MGST1: variants seen among roughly 807,000 people sequenced by gnomAD.
MGST1 encodes microsomal glutathione S-transferase 1.
MGST1 carries 5 observed loss-of-function variants against 8.9 expected under a neutral mutation model. That is an observed-to-expected ratio of 0.56 (90% CI 0.29 to 1.19). MGST1 has a LOEUF of 1.19. Ranked by LOEUF, MGST1 falls within the 50% of genes most tolerant of loss-of-function variation. MGST1 has a pLI of 0.08. For synonymous variants in MGST1, 54 were observed against 67.8 expected (o/e 0.80, Z 1.00); for missense variants, 182 against 187.4 (o/e 0.97, Z 0.17).
intron 3 of MGST1, among the ~76,000 whole-genome samples, chr12:16,375,970 G>T (rs1193650961): frequency 2.6e-5 from 4 of 151,898 alleles, no homozygotes; most frequent in Non-Finnish European, 5.9e-5. Context: ...TTAAATCTAT[G>T]AGCTCATAAG....
At chr12:16,558,836 T>C (rs531663500) in intron 4 of MGST1, among the ~76,000 whole-genome samples, 1 of 152,294 alleles carries the variant, frequency 6.6e-6, no homozygotes, top group East Asian at 1.9e-4. Flanking sequence ...TGAGAACCTG[T>C]TGTGTTCCTG....
At chr12:16,379,836 G>T (rs1940432074), downstream of MGST1, among the ~76,000 whole-genome samples, 2 of 152,184 alleles carry the variant, frequency 1.3e-5, no homozygotes, top group Admixed American at 1.3e-4. Context: ...CCTGTTATTG[G>T]TCTGTTCAGA....
rs545268939 is a variant in MGST1, at chr12:16,420,444, A to T, written n.779-16944A>T. 5.9e-5 allele frequency among the ~76,000 whole-genome samples: 9 copies of T among 152,336 alleles called. 1 individual carries two copies. The East Asian group carries it at 9.6e-4, about 16-fold the overall frequency. On this transcript the variant is annotated intron_variant and non_coding_transcript_variant, in intron 1 of 1. Coordinates refer to the MGST1 transcript ENST00000359720. The stretch of plus-strand genomic sequence containing the variant: ...GTTCACGTGTTTTTAAATATAGATT[A>T]AAAAAACTATCCTAAGTCAGGTTTC...
intron 4 of MGST1, among the ~76,000 whole-genome samples, chr12:16,528,073 A>G (rs987926271): frequency 1.3e-5 from 2 of 152,068 alleles, no homozygotes; most frequent in East Asian, 3.9e-4. Context: ...GGGTTGACAG[A>G]GGCGATTACT....
chr12:16,515,556 G>A (rs562951069), intron 4 of MGST1, among the ~76,000 whole-genome samples: 1 of 151,884 alleles, frequency 6.6e-6, no homozygotes, highest in East Asian at 1.9e-4. Context: ...CTTGAACTGG[G>A]GAGGCGGAGG....
intron 4 of MGST1, among the ~76,000 whole-genome samples, chr12:16,577,424 T>C (rs1487378492): frequency 3.9e-5 from 6 of 152,184 alleles, no homozygotes; most frequent in Admixed American, 3.3e-4. Flanking sequence ...ATTATTTTCA[T>C]CATATAGGTT....
Position 16,413,082 on chromosome 12 carries a change from T to G in MGST1, n.779-24306T>G, listed in dbSNP as rs1940756618. ...GATGGTGATAGTGAAGGTGGTTAAT[T>G]TAGGGGTGAGTTGTGTGGCTACTCA... is the stretch of plus-strand genomic sequence containing the variant. On this transcript the variant is annotated intron_variant and non_coding_transcript_variant, in intron 1 of 1. Coordinates refer to the MGST1 transcript ENST00000359720. This position sits in a 1 kb window ranked among gnomAD's most constrained non-coding sequence, Gnocchi z 4.0. 2.0e-5 allele frequency among the ~76,000 whole-genome samples: 3 copies of G among 151,958 alleles called. No individual in the cohort carries two copies. The South Asian group carries it at 6.2e-4, about 32-fold the overall frequency.
In MGST1 at chr12:16,586,590, T is replaced by C. The variant is rs1943328459; in HGVS notation, n.483-2938T>C. Among the ~76,000 whole-genome samples, 1 of 152,212 alleles carries C rather than the reference T, an allele frequency of 6.6e-6. No homozygotes were observed. Among genetic ancestry groups the C allele is most frequent in the South Asian group, 2.1e-4 (1 of 4,834 alleles). On this transcript the variant is annotated intron_variant and non_coding_transcript_variant, in intron 4 of 4. Coordinates refer to the MGST1 transcript ENST00000538857. This position sits in a 1 kb window ranked among gnomAD's most constrained non-coding sequence, Gnocchi z 4.3. ...ACATATGCAAAGACACTGCATTTCATCTTTGGACGTCCTTTCTTGGCAGGA... is the reference window on the plus strand; with the variant it reads ...ACATATGCAAAGACACTGCATTTCACCTTTGGACGTCCTTTCTTGGCAGGA...
intron 1 of MGST1, among the ~76,000 whole-genome samples, chr12:16,423,405 A>G (rs547180175): frequency 2.0e-5 from 3 of 152,242 alleles, no homozygotes; most frequent in African/African-American, 7.2e-5. Context: ...CAATTCTCTG[A>G]TATTTTGTTG....
Position 16,500,881 on chromosome 12 carries a change from G to A in MGST1, n.483-88647G>A, listed in dbSNP as rs1401083608. 1.3e-5 allele frequency among the ~76,000 whole-genome samples: 2 copies of A among 152,090 alleles called. No homozygotes were observed. The highest frequency in any genetic ancestry group is 2.4e-5 in the African/African-American group (1 of 41,430). On this transcript the variant is annotated intron_variant and non_coding_transcript_variant, in intron 4 of 4. Transcript: ENST00000538857. The surrounding 1 kb of genome is among the most constrained non-coding windows in gnomAD (Gnocchi z 4.3). ...AGCACTTTGGGAGACCAAGGCAGGC[G>A]GATCACAAGGTCAAGAGATCGAGAC...
intron 4 of MGST1, among the ~76,000 whole-genome samples, chr12:16,463,046 G>C (rs1591736639): frequency 1.3e-5 from 2 of 151,930 alleles, no homozygotes; most frequent in East Asian, 3.9e-4. Context: ...AAACTTAAAG[G>C]GTAGTTGAGC....
intron 4 of MGST1, among the ~76,000 whole-genome samples, chr12:16,541,823 T>C (rs1054816643): frequency 6.6e-6 from 1 of 152,118 alleles, no homozygotes; most frequent in Non-Finnish European, 1.5e-5. Flanking sequence ...GAATACAATG[T>C]GTCAATAAAA....
Position 16,547,240 on chromosome 12 carries a change from G to A in MGST1, n.483-42288G>A, listed in dbSNP as rs1941834649. Among the ~76,000 whole-genome samples, 1 of 151,982 alleles carries A rather than the reference G, an allele frequency of 6.6e-6. No individual in the cohort carries two copies. Among genetic ancestry groups the A allele is most frequent in the Non-Finnish European group, 1.5e-5 (1 of 67,986 alleles). ...TTGACACTGGTTTCAGCCAAATAAT[G>A]GACCAGTTGCAAACAACGAATAAAG... is the stretch of plus-strand genomic sequence containing the variant. On this transcript the variant is annotated intron_variant and non_coding_transcript_variant, in intron 4 of 4. Transcript: ENST00000538857. This position sits in a 1 kb window ranked among gnomAD's most constrained non-coding sequence, Gnocchi z 4.6.
At chr12:16,381,258 G>GT (rs1253742382), downstream of MGST1, among the ~76,000 whole-genome samples, 1 of 152,124 alleles carries the variant, frequency 6.6e-6, no homozygotes, top group Non-Finnish European at 1.5e-5. Flanking sequence ...AATTTGGCAT[G>GT]TTTTTGCAGT....
At chr12:16,506,179 T>C (rs1362539065) in intron 4 of MGST1, among the ~76,000 whole-genome samples, 1 of 152,158 alleles carries the variant, frequency 6.6e-6, no homozygotes, top group Non-Finnish European at 1.5e-5. Context: ...TAAAGAACTT[T>C]ATTACTCATG....
At chr12:16,393,764 G>A (rs991184) in intron 1 of MGST1, among the ~76,000 whole-genome samples, 59,189 of 151,980 alleles carry the variant, frequency 0.39, 11,629 homozygotes, top group East Asian at 0.53. Context: ...TGGCCCAGAG[G>A]TATCTGCTAC....
chr12:16,419,106 C>T (rs1338849033), intron 1 of MGST1, among the ~76,000 whole-genome samples: 1 of 152,142 alleles, frequency 6.6e-6, no homozygotes, highest in African/African-American at 2.4e-5. Context: ...CAAGATCCTA[C>T]CACTCATTTG....
chr12:16,424,700 C>G (rs1323277430), intron 1 of MGST1, among the ~76,000 whole-genome samples: 1 of 152,182 alleles, frequency 6.6e-6, no homozygotes, highest in Non-Finnish European at 1.5e-5. Flanking sequence ...GGCCTATCCA[C>G]ACACTGCCAC....
intron 4 of MGST1, among the ~76,000 whole-genome samples, chr12:16,463,548 C>T (rs1190146427): frequency 6.6e-6 from 1 of 151,366 alleles, no homozygotes; most frequent in Middle Eastern, 3.2e-3. Context: ...TTCACCTCTG[C>T]AGCAAACCTG....
Sources: gnomAD v4.1 joint callset for allele counts (sites outside exome capture counted in the v4.1 genomes callset) on GRCh38, gnomAD v4.1.1 for gene constraint, Gnocchi (gnomAD v3.1) non-coding constraint, MANE v1.5 for transcripts, NCBI Gene and HGNC (gene_info 2026-07-23, HGNC 2026-07-21) for gene names.